EFNA5: variants seen among roughly 807,000 people sequenced by gnomAD.
EFNA5 encodes ephrin-A5.
In EFNA5, 5 loss-of-function variants were observed where a neutral mutation model predicts 22.9. The observed-to-expected ratio is 0.22, with a 90% CI of 0.11 to 0.46. The LOEUF (loss-of-function observed/expected upper bound fraction) is 0.46. Ranked by LOEUF, EFNA5 falls within the 20% of genes least tolerant of loss-of-function variation. The pLI is 0.99. For synonymous variants in EFNA5, 113 were observed against 112.2 expected (o/e 1.01, Z -0.04); for missense variants, 237 against 293.3 (o/e 0.81, Z 1.40).
intron 4 of EFNA5, among the ~76,000 whole-genome samples, chr5:107,381,855 G>A (rs1048996687): frequency 6.6e-6 from 1 of 152,160 alleles, no homozygotes; most frequent in Non-Finnish European, 1.5e-5. Context: ...TTGAATGCCT[G>A]GTTGTTGGAT....
chr5:107,562,291 T>A (rs1748565640), intron 1 of EFNA5, among the ~76,000 whole-genome samples: 3 of 152,160 alleles, frequency 2.0e-5, no homozygotes, highest in Admixed American at 2.0e-4. Flanking sequence ...GCCCGCCTTT[T>A]TAGATTTTCA....
chr5:107,465,016 G>A (rs1749934710), intron 1 of EFNA5, among the ~76,000 whole-genome samples: 1 of 151,466 alleles, frequency 6.6e-6, no homozygotes, highest in African/African-American at 2.4e-5. Flanking sequence ...AGGAAGCACG[G>A]CCTAAGGGTT....
At chr5:107,641,009 TAGATAGATAGATAGAC>T (rs1360124771) in intron 1 of EFNA5, among the ~76,000 whole-genome samples, 2 of 142,314 alleles carry the variant, frequency 1.4e-5, no homozygotes, top group African/African-American at 5.1e-5. Context: ...GATAGATAGA[TAGATAGATAGATAGAC>T]AGACAGACAG....
At chr5:107,459,804 G>A (rs1456636557) in intron 1 of EFNA5, among the ~76,000 whole-genome samples, 1 of 152,108 alleles carries the variant, frequency 6.6e-6, no homozygotes, top group Non-Finnish European at 1.5e-5. Context: ...GCACCACCTG[G>A]AATCTCATAT....
At chr5:107,418,796 T>C (rs2112411217) in intron 2 of EFNA5, among the ~76,000 whole-genome samples, 1 of 152,230 alleles carries the variant, frequency 6.6e-6, no homozygotes. Context: ...TTCAAGATGG[T>C]CCCAATGTAA....
intron 1 of EFNA5, among the ~76,000 whole-genome samples, chr5:107,525,730 G>C (rs898729742): frequency 6.6e-6 from 1 of 152,042 alleles, no homozygotes; most frequent in African/African-American, 2.4e-5. Flanking sequence ...GAAAGAAGAG[G>C]GGTTGGTCTT....
intron 1 of EFNA5, among the ~76,000 whole-genome samples, chr5:107,644,627 G>C (rs1348447176): frequency 1.3e-5 from 2 of 152,100 alleles, no homozygotes; most frequent in African/African-American, 4.8e-5. Flanking sequence ...ACACATAATA[G>C]ATGCTCAATC....
chr5:107,622,144 A>T (rs1294896734), intron 1 of EFNA5, among the ~76,000 whole-genome samples: 1 of 152,110 alleles, frequency 6.6e-6, no homozygotes, highest in Non-Finnish European at 1.5e-5. Context: ...TACTAGAGGG[A>T]GGGAACATGT....
chr5:107,521,329 GCCC>G (rs1747591420), intron 1 of EFNA5, among the ~76,000 whole-genome samples: 1 of 151,602 alleles, frequency 6.6e-6, no homozygotes, highest in South Asian at 2.1e-4. Flanking sequence ...TCGCTCTGTG[GCCC>G]AGGCTGGAGT....
chr5:107,633,404 A>G (rs1234288151), intron 1 of EFNA5, among the ~76,000 whole-genome samples: 1 of 152,216 alleles, frequency 6.6e-6, no homozygotes, highest in Non-Finnish European at 1.5e-5. Context: ...CAAGATGCCA[A>G]GTAAGCCCAG....
chr5:107,563,505 T>G (rs1474719772), intron 1 of EFNA5, among the ~76,000 whole-genome samples: 1 of 152,194 alleles, frequency 6.6e-6, no homozygotes, highest in Non-Finnish European at 1.5e-5. Flanking sequence ...GGCTCTATCA[T>G]AGCTCACTGC....
At chr5:107,512,491 G>A (rs1197465172) in intron 1 of EFNA5, among the ~76,000 whole-genome samples, 1 of 151,542 alleles carries the variant, frequency 6.6e-6, no homozygotes, top group Non-Finnish European at 1.5e-5. Flanking sequence ...GTTCTTGTAG[G>A]CCATCATTAC....
intron 2 of EFNA5, 76 bp from the exon 3 acceptor site, chr5:107,387,847 A>C (rs1747674507): frequency 9.9e-7 from 1 of 1,011,944 alleles, no homozygotes; most frequent in Non-Finnish European, 1.5e-6. Context: ...TCACATACAA[A>C]TGATGAACAA....
At chr5:107,630,435 A>G (rs932811329) in intron 1 of EFNA5, among the ~76,000 whole-genome samples, 1 of 152,246 alleles carries the variant, frequency 6.6e-6, no homozygotes, top group East Asian at 1.9e-4. Context: ...TTGTGACACA[A>G]TGGTAAATAT....
intron 1 of EFNA5, among the ~76,000 whole-genome samples, chr5:107,651,488 A>C (rs1344831754): frequency 6.6e-6 from 1 of 152,072 alleles, no homozygotes; most frequent in Non-Finnish European, 1.5e-5. Context: ...AGGTTTTGAA[A>C]ACATGATTCA....
intron 1 of EFNA5, among the ~76,000 whole-genome samples, chr5:107,665,302 C>T (rs1751043644): frequency 6.6e-6 from 1 of 152,194 alleles, no homozygotes; most frequent in African/African-American, 2.4e-5. Context: ...GGCCAGTGGA[C>T]AGAATGCAGT....
chr5:107,438,572 C>T lies in EFNA5; in HGVS notation c.126-11063G>A, dbSNP rs185576418. Among the ~76,000 whole-genome samples the T allele has an allele frequency of 1.5e-3, 223 of 152,256 alleles. 1 individual carries two copies. Among genetic ancestry groups the T allele is most frequent in the African/African-American group, 5.2e-3 (216 of 41,548 alleles). On this transcript the variant is annotated intron_variant, in intron 1 of 4. Transcript: ENST00000333274. The stretch of plus-strand genomic sequence containing the variant: ...GGGGTTTGCTCCAGTTAGCAGGAGT[C>T]ATGGGGAATACAGACTGTTCTCCAC...
At chr5:107,483,226 G>A (rs1349238184) in intron 1 of EFNA5, among the ~76,000 whole-genome samples, 1 of 151,826 alleles carries the variant, frequency 6.6e-6, no homozygotes, top group African/African-American at 2.4e-5. Context: ...TTTCCCCTGG[G>A]GAGAGGGGAT....
At chr5:107,387,793 A>T (rs949265395) in intron 2 of EFNA5, 22 bp from the exon 3 acceptor site, 4 of 1,550,812 alleles carry the variant, frequency 2.6e-6, no homozygotes, top group Non-Finnish European at 3.5e-6. Flanking sequence ...ACAGAGAGAG[A>T]GCAGGAAAGA....
Sources: allele counts gnomAD v4.1 joint callset (sites outside exome capture counted in the v4.1 genomes callset), GRCh38; gene constraint gnomAD v4.1.1; transcripts MANE v1.5; gene names NCBI Gene and HGNC (gene_info 2026-07-23, HGNC 2026-07-21).